FRMD6: variants seen among roughly 807,000 people sequenced by gnomAD.
The protein encoded by FRMD6 is FERM domain-containing protein 6.
Under a neutral mutation model 73.2 loss-of-function variants are expected in FRMD6, and 37 were observed. That is an observed-to-expected ratio of 0.51 (90% confidence interval 0.39 to 0.66). The LOEUF is 0.66. Ranked by LOEUF, FRMD6 falls within the 30% of genes least tolerant of loss-of-function variation. The probability of loss-of-function intolerance (pLI) is 0.00; values close to 1 mark genes in which losing one functional copy is unlikely to be tolerated. For missense variants in FRMD6, 714 were observed against 780.5 expected (o/e 0.91, Z 1.02); for synonymous variants, 273 against 282.2 (o/e 0.97, Z 0.33).
At chr14:51,483,459 A>G in the FRMD6 span, among the ~76,000 whole-genome samples, 1 of 152,226 alleles carries the variant, frequency 6.6e-6, no homozygotes, top group Non-Finnish European at 1.5e-5. Context: ...GAACAGAAGC[A>G]GGCATGAGAA....
At chr14:51,447,063 A>AT in the FRMD6 span, among the ~76,000 whole-genome samples, 1 of 152,196 alleles carries the variant, frequency 6.6e-6, no homozygotes, top group African/African-American at 2.4e-5. Flanking sequence ...CTCTGTCCCG[A>AT]TATGAGTGGG....
the FRMD6 span, among the ~76,000 whole-genome samples, chr14:51,404,953 T>C: frequency 6.6e-6 from 1 of 152,078 alleles, no homozygotes. Flanking sequence ...TAGGCCCCAG[T>C]GTCTGTTGTT....
chr14:51,525,034 A>C (rs543813361), intron 1 of FRMD6, among the ~76,000 whole-genome samples: 123 of 148,360 alleles, frequency 8.3e-4, no homozygotes, highest in African/African-American at 2.2e-3. Flanking sequence ...GGGTGGATGG[A>C]GAGAAAGAGA....
chr14:51,484,929 A>T (rs188390662), upstream of FRMD6, among the ~76,000 whole-genome samples: 7 of 152,342 alleles, frequency 4.6e-5, no homozygotes, highest in African/African-American at 7.2e-5. Context: ...TGAGTGTCAA[A>T]GGGCTGCACT....
chr14:51,693,066 A>G (rs905690481), intron 2 of FRMD6, among the ~76,000 whole-genome samples: 4 of 152,142 alleles, frequency 2.6e-5, no homozygotes, highest in African/African-American at 9.7e-5. Flanking sequence ...TCTTCCCTCT[A>G]TAGAATAATC....
chr14:51,517,752 T>C (rs1884712091), intron 1 of FRMD6, among the ~76,000 whole-genome samples: 1 of 152,184 alleles, frequency 6.6e-6, no homozygotes, highest in African/African-American at 2.4e-5. Context: ...GCCACAGTTA[T>C]TTCAGAGTCA....
intron 2 of FRMD6, among the ~76,000 whole-genome samples, chr14:51,695,085 A>C (rs1367704641): frequency 6.7e-6 from 1 of 149,530 alleles, no homozygotes; most frequent in East Asian, 1.9e-4. Flanking sequence ...CACGAGCCTA[A>C]AACAGTTTAT....
the FRMD6 span, among the ~76,000 whole-genome samples, chr14:51,473,125 C>A: frequency 1.3e-5 from 2 of 152,258 alleles, no homozygotes; most frequent in South Asian, 2.1e-4. Flanking sequence ...CTGCCCCTGC[C>A]GGTCCTGCTG....
the FRMD6 span, among the ~76,000 whole-genome samples, chr14:51,475,831 T>G: frequency 6.6e-6 from 1 of 152,066 alleles, no homozygotes; most frequent in Admixed American, 6.5e-5. Flanking sequence ...AGCTGTAAAT[T>G]TAAGATGGAG....
At chr14:51,491,771 T>G (rs981421129) in intron 1 of FRMD6, among the ~76,000 whole-genome samples, 2 of 152,208 alleles carry the variant, frequency 1.3e-5, no homozygotes, top group Non-Finnish European at 2.9e-5. Flanking sequence ...GAAAATCAAA[T>G]TGATCTTGAA....
chr14:51,629,132 C>T (rs578097388), intron 2 of FRMD6, among the ~76,000 whole-genome samples: 9 of 152,064 alleles, frequency 5.9e-5, no homozygotes, highest in Admixed American at 1.3e-4. Context: ...GCCCGCCTCG[C>T]CCTCCCAAAG....
intron 1 of FRMD6, among the ~76,000 whole-genome samples, chr14:51,670,295 G>C (rs771574443): frequency 6.6e-6 from 1 of 152,034 alleles, no homozygotes; most frequent in African/African-American, 2.4e-5. Context: ...TGTTGCCCAG[G>C]CTGGCCTCAA....
chr14:51,543,677 G>C (rs17124140), intron 1 of FRMD6, among the ~76,000 whole-genome samples: 33,736 of 151,886 alleles, frequency 0.22, 4,210 homozygotes, highest in African/African-American at 0.32. Flanking sequence ...CTACACAGGA[G>C]ATTTCTATAG....
At chr14:51,602,885 G>A (rs1890094362) in intron 2 of FRMD6, among the ~76,000 whole-genome samples, 1 of 152,154 alleles carries the variant, frequency 6.6e-6, no homozygotes, top group Non-Finnish European at 1.5e-5. Flanking sequence ...CTAACCATGT[G>A]GTACTGGTGA....
At chr14:51,580,259 C>T (rs143233753) in intron 2 of FRMD6, among the ~76,000 whole-genome samples, 2 of 152,228 alleles carry the variant, frequency 1.3e-5, no homozygotes, top group East Asian at 3.9e-4. Flanking sequence ...AATGGACAGG[C>T]TCTGGATGGG....
chr14:51,651,969 A>G lies in FRMD6; in HGVS notation c.-174A>G, dbSNP rs1272563745. 1.3e-5 allele frequency: 2 copies of G among 152,022 alleles called. No individual in the cohort carries two copies. Among genetic ancestry groups the G allele is most frequent in the Admixed American group, 6.5e-5 (1 of 15,276 alleles). 9.4% of individuals were successfully genotyped at this position (152,022 alleles called of 1,614,324 possible). The stretch of plus-strand genomic sequence containing the variant: ...GTCAGAGGGGTGACCAGAGAGCCCA[A>G]CGCCTGGTGCTCAAGACTTTCTCCG... On this transcript the variant is annotated 5_prime_UTR_variant, in exon 1 of 14. Transcript: ENST00000344768.
At chr14:51,406,625 C>G in the FRMD6 span, among the ~76,000 whole-genome samples, 33,399 of 151,942 alleles carry the variant, frequency 0.22, 4,345 homozygotes, top group East Asian at 0.51. Context: ...CTCAGCTTGG[C>G]TGTTGTTGGT....
intron 1 of FRMD6, among the ~76,000 whole-genome samples, chr14:51,505,375 G>A (rs1167379082): frequency 6.6e-6 from 1 of 152,036 alleles, no homozygotes; most frequent in Non-Finnish European, 1.5e-5. Flanking sequence ...CCTAAAAATA[G>A]GTTGCTTGTT....
At chr14:51,536,727 A>G (rs1434931484) in intron 1 of FRMD6, among the ~76,000 whole-genome samples, 3 of 152,184 alleles carry the variant, frequency 2.0e-5, no homozygotes, top group African/African-American at 4.8e-5. Flanking sequence ...TCTTGTCCAT[A>G]TTTTTAAAAG....
Sources: allele counts gnomAD v4.1 joint callset (sites outside exome capture counted in the v4.1 genomes callset), GRCh38; gene constraint gnomAD v4.1.1; transcripts MANE v1.5; gene names NCBI Gene and HGNC (gene_info 2026-07-23, HGNC 2026-07-21).